Variants in DIS3L2 observed in about 807,000 individuals in gnomAD.
DIS3L2 encodes the protein DIS3-like exonuclease 2.
A neutral mutation model predicts 97.5 loss-of-function variants in DIS3L2; 34 were observed. The observed-to-expected ratio is 0.35, with a 90% CI of 0.27 to 0.46. The LOEUF (loss-of-function observed/expected upper bound fraction) is 0.46. Among genes scored for constraint, DIS3L2 ranks in the 20% least tolerant of loss-of-function variants. The probability of loss-of-function intolerance (pLI) is 1.00; values close to 1 mark genes in which losing one functional copy is unlikely to be tolerated. For missense variants in DIS3L2, 1,038 were observed against 1,146.0 expected (o/e 0.91, Z 1.36); for synonymous variants, 435 against 445.2 (o/e 0.98, Z 0.29).
At chr2:232,182,120 C>G (rs10933386) in intron 9 of DIS3L2, among the ~76,000 whole-genome samples, 2,716 of 152,200 alleles carry the variant, frequency 0.018, 27 homozygotes, top group Non-Finnish European at 0.022. Flanking sequence ...CATAAATTTT[C>G]ATAGGTTGTA....
At chr2:232,324,452 C>G (rs2106342511) in intron 14 of DIS3L2, among the ~76,000 whole-genome samples, 1 of 152,240 alleles carries the variant, frequency 6.6e-6, no homozygotes, top group Admixed American at 6.5e-5. Context: ...CCACATTTGC[C>G]TTTGGCCTTT....
chr2:232,228,208 C>T (rs1692698088), intron 10 of DIS3L2, among the ~76,000 whole-genome samples: 1 of 152,208 alleles, frequency 6.6e-6, no homozygotes, highest in Admixed American at 6.5e-5. Flanking sequence ...TCAGGTGATC[C>T]ACCCGCCTCA....
intron 10 of DIS3L2, among the ~76,000 whole-genome samples, chr2:232,230,336 A>C (rs923129368): frequency 3.9e-5 from 6 of 152,240 alleles, no homozygotes; most frequent in African/African-American, 1.4e-4. Context: ...TGGCTGCATG[A>C]GCTGCCCTAA....
intron 1 of DIS3L2, among the ~76,000 whole-genome samples, chr2:232,005,532 C>T (rs1478523881): frequency 6.6e-6 from 1 of 152,096 alleles, no homozygotes; most frequent in East Asian, 1.9e-4. Context: ...TGATGGTGGC[C>T]TGCCCTTGGG....
chr2:232,334,932 C>T (rs1204812934), intron 19 of DIS3L2, 197 bp downstream of exon 19: 5 of 570,954 alleles, frequency 8.8e-6, no homozygotes, highest in Middle Eastern at 4.7e-4. Flanking sequence ...AGGCCTGGCC[C>T]CCTTCCCCAA....
At chr2:232,086,343 A>ATATATGTATATATATGTG (rs1696595581) in intron 5 of DIS3L2, among the ~76,000 whole-genome samples, 1 of 130,268 alleles carries the variant, frequency 7.7e-6, no homozygotes, top group Non-Finnish European at 1.6e-5. Context: ...GTATATATAC[A>ATATATGTATATATATGTG]TATATGTATA....
intron 5 of DIS3L2, among the ~76,000 whole-genome samples, chr2:232,070,986 G>A (rs1489926537): frequency 6.6e-6 from 1 of 152,124 alleles, no homozygotes; most frequent in African/African-American, 2.4e-5. Context: ...ACAGTGTCCA[G>A]AGGCCCTATA....
At chr2:232,258,464 G>A (rs1400680715) in intron 12 of DIS3L2, among the ~76,000 whole-genome samples, 1 of 152,022 alleles carries the variant, frequency 6.6e-6, no homozygotes, top group Non-Finnish European at 1.5e-5. Flanking sequence ...TGTGCCTGTA[G>A]TCCCAGCTAC....
intron 5 of DIS3L2, among the ~76,000 whole-genome samples, chr2:232,073,154 T>G (rs1309935649): frequency 6.6e-6 from 1 of 152,218 alleles, no homozygotes; most frequent in Non-Finnish European, 1.5e-5. Context: ...TCAAGGTGTT[T>G]CCTGAACAGT....
At chr2:232,218,550 C>T (rs537969935) in intron 10 of DIS3L2, among the ~76,000 whole-genome samples, 1 of 152,234 alleles carries the variant, frequency 6.6e-6, no homozygotes, top group East Asian at 1.9e-4. Context: ...GAGTTCAAGA[C>T]CAAACTTGGG....
intron 13 of DIS3L2, among the ~76,000 whole-genome samples, chr2:232,342,345 GTATCT>G (rs1165008104): frequency 2.0e-5 from 3 of 150,300 alleles, no homozygotes; most frequent in African/African-American, 7.3e-5. Flanking sequence ...ACATGAAGAA[GTATCT>G]TATTTAGCAA....
chr2:232,161,169 GC>G (rs1452058033), intron 8 of DIS3L2, among the ~76,000 whole-genome samples: 2 of 152,222 alleles, frequency 1.3e-5, no homozygotes, highest in East Asian at 3.9e-4. Context: ...TCCTGCCTTG[GC>G]CTCCCAAAGT....
chr2:232,062,947 C>T (rs913494486), intron 5 of DIS3L2, among the ~76,000 whole-genome samples: 2 of 152,120 alleles, frequency 1.3e-5, no homozygotes, highest in Admixed American at 6.6e-5. Context: ...TGGTTTCCCC[C>T]TTCCCACATT....
At chr2:232,166,209 T>A (rs925479807) in intron 9 of DIS3L2, among the ~76,000 whole-genome samples, 85 of 152,142 alleles carry the variant, frequency 5.6e-4, no homozygotes, top group African/African-American at 1.9e-3. Flanking sequence ...CAGTGAGCTA[T>A]AATCATGCCG....
downstream of DIS3L2, among the ~76,000 whole-genome samples, chr2:232,342,063 TCA>T (rs1696112524): frequency 6.6e-6 from 1 of 152,140 alleles, no homozygotes; most frequent in Non-Finnish European, 1.5e-5. Context: ...GGGTAGTTTG[TCA>T]CACAACGATA....
intron 5 of DIS3L2, among the ~76,000 whole-genome samples, chr2:232,052,872 A>G (rs1178809004): frequency 1.3e-5 from 2 of 152,000 alleles, no homozygotes; most frequent in Non-Finnish European, 2.9e-5. Context: ...GTGGCATTTG[A>G]TGTTTTCTTC....
chr2:232,280,972 C>T (rs1476830506), intron 13 of DIS3L2, among the ~76,000 whole-genome samples: 4 of 152,102 alleles, frequency 2.6e-5, no homozygotes, highest in East Asian at 1.9e-4. Context: ...AGAGCATTGC[C>T]GTGGGTTGGT....
chr2:232,337,822 T>G (rs1288245413), downstream of DIS3L2, among the ~76,000 whole-genome samples: 18 of 151,636 alleles, frequency 1.2e-4, no homozygotes, highest in Admixed American at 2.6e-4. Context: ...GACTGGGTAC[T>G]GCTGCCTTTG....
At chr2:232,221,299 T>C (rs114565077) in intron 10 of DIS3L2, among the ~76,000 whole-genome samples, 1 of 152,170 alleles carries the variant, frequency 6.6e-6, no homozygotes, top group Non-Finnish European at 1.5e-5. Context: ...GTAGATCTTA[T>C]TTTTAAGCTA....
Sources: gnomAD v4.1 joint callset for allele counts (sites outside exome capture counted in the v4.1 genomes callset) on GRCh38, gnomAD v4.1.1 for gene constraint, MANE v1.5 for transcripts, NCBI Gene and HGNC (gene_info 2026-07-23, HGNC 2026-07-21) for gene names.